The following EYS variants were observed in gnomAD, a reference collection of about 807,000 sequenced individuals.
EYS encodes EGF-like photoreceptor maintenance factor, also known as protein eyes shut homolog.
EYS carries 250 observed loss-of-function variants against 282.1 expected under a neutral mutation model. That is an observed-to-expected ratio of 0.89 (90% CI 0.80 to 0.98). The LOEUF (loss-of-function observed/expected upper bound fraction) is 0.98, where lower values mean the gene tolerates loss of function less well. Among genes scored for constraint, EYS ranks in the 50% least tolerant of loss-of-function variants. EYS has a pLI of 0.00. For missense variants in EYS, 4,016 were observed against 3,709.0 expected, an observed-to-expected ratio of 1.08 and a Z score of -2.15; for synonymous variants, 1,355 against 1,282.9, an observed-to-expected ratio of 1.06 and a Z score of -1.20.
At chr6:64,796,614 A>G (rs1583167573) in intron 22 of EYS, among the ~76,000 whole-genome samples, 1 of 152,282 alleles carries the variant, frequency 6.6e-6, no homozygotes, top group South Asian at 2.1e-4. Flanking sequence ...AACTACAGGG[A>G]GAAATATCAG....
At chr6:64,104,802 C>T (rs1772951408) in intron 31 of EYS, among the ~76,000 whole-genome samples, 1 of 141,986 alleles carries the variant, frequency 7.0e-6, no homozygotes. Context: ...TGTTATTTTG[C>T]AGCATTCCCA....
intron 24 of EYS, among the ~76,000 whole-genome samples, chr6:64,601,101 A>G (rs1402475842): frequency 1.3e-5 from 2 of 151,922 alleles, no homozygotes; most frequent in Non-Finnish European, 2.9e-5. Flanking sequence ...TTCATTATCA[A>G]TCTCCTCTGC....
chr6:64,961,524 T>C (rs1266711548), intron 14 of EYS, among the ~76,000 whole-genome samples: 1 of 152,040 alleles, frequency 6.6e-6, no homozygotes, highest in Non-Finnish European at 1.5e-5. Flanking sequence ...TGCATATCTG[T>C]GTGTGTATAA....
intron 26 of EYS, among the ~76,000 whole-genome samples, chr6:64,530,766 A>C (rs1764303435): frequency 6.6e-6 from 1 of 152,076 alleles, no homozygotes; most frequent in Non-Finnish European, 1.5e-5. Flanking sequence ...AGGAATCTAA[A>C]AATGTCTCAT....
chr6:64,769,132 T>A (rs1389020488), intron 22 of EYS, among the ~76,000 whole-genome samples: 1 of 152,112 alleles, frequency 6.6e-6, no homozygotes, highest in African/African-American at 2.4e-5. Flanking sequence ...GAAAACTACA[T>A]GGCGTAATGG....
intron 32 of EYS, among the ~76,000 whole-genome samples, chr6:64,073,159 C>T (rs150913453): frequency 1.2e-3 from 185 of 151,952 alleles, no homozygotes; most frequent in Admixed American, 4.3e-3. Flanking sequence ...AAGCTTAGTT[C>T]TCTTCACAGT....
At chr6:64,484,360 CAA>C (rs112366576) in intron 26 of EYS, among the ~76,000 whole-genome samples, 4 of 140,336 alleles carry the variant, frequency 2.9e-5, no homozygotes, top group African/African-American at 5.2e-5. Context: ...GGCATAAGAG[CAA>C]AAAAAAAAAA....
At chr6:64,269,576 T>C (rs1353419907) in intron 30 of EYS, among the ~76,000 whole-genome samples, 1 of 152,056 alleles carries the variant, frequency 6.6e-6, no homozygotes, top group Non-Finnish European at 1.5e-5. Context: ...CTGTTAATAA[T>C]AAGCATCCTA....
intron 35 of EYS, among the ~76,000 whole-genome samples, chr6:63,903,083 G>A (rs999816301): frequency 6.6e-6 from 1 of 152,256 alleles, no homozygotes; most frequent in East Asian, 1.9e-4. Context: ...AATTTAATGC[G>A]CAACCAGTTG....
chr6:65,215,371 G>A (rs1389197680), intron 12 of EYS, among the ~76,000 whole-genome samples: 3 of 152,022 alleles, frequency 2.0e-5, no homozygotes, highest in African/African-American at 7.2e-5. Flanking sequence ...ATACAAATAC[G>A]GTAGAAATAA....
At chr6:64,768,305 A>G (rs1773416716) in intron 22 of EYS, among the ~76,000 whole-genome samples, 1 of 152,188 alleles carries the variant, frequency 6.6e-6, no homozygotes, top group Non-Finnish European at 1.5e-5. Flanking sequence ...TTTTTGAAAT[A>G]GAAAATATAA....
At chr6:64,197,024 T>A (rs1056495015) in intron 31 of EYS, among the ~76,000 whole-genome samples, 2 of 152,162 alleles carry the variant, frequency 1.3e-5, no homozygotes, top group Non-Finnish European at 2.9e-5. Flanking sequence ...GTAGTTGTCA[T>A]TATTCTTTAT....
At chr6:63,723,455 G>T (rs553094026) in intron 42 of EYS, among the ~76,000 whole-genome samples, 73 of 152,168 alleles carry the variant, frequency 4.8e-4, no homozygotes, top group Admixed American at 1.8e-3. Flanking sequence ...AGCTTTTCTT[G>T]CTCCTTGTGT....
At chr6:63,752,905 A>AAAAC (rs1769375430) in intron 41 of EYS, among the ~76,000 whole-genome samples, 2 of 151,796 alleles carry the variant, frequency 1.3e-5, no homozygotes, top group Admixed American at 1.3e-4. Context: ...TCTTTTATTG[A>AAAAC]GTAGCAACCT....
chr6:64,996,522 C>A (rs561861700), intron 14 of EYS, among the ~76,000 whole-genome samples: 1 of 152,164 alleles, frequency 6.6e-6, no homozygotes, highest in Admixed American at 6.5e-5. Flanking sequence ...CTAAAGGAAT[C>A]CCCAAGAGTG....
At chr6:64,468,813 T>A (rs1776010358) in intron 26 of EYS, among the ~76,000 whole-genome samples, 1 of 152,238 alleles carries the variant, frequency 6.6e-6, no homozygotes, top group Non-Finnish European at 1.5e-5. Flanking sequence ...ATTTCATCTT[T>A]GTTGCTGTAA....
chr6:65,282,851 T>G (rs1429944341), intron 12 of EYS, among the ~76,000 whole-genome samples: 1 of 152,006 alleles, frequency 6.6e-6, no homozygotes, highest in African/African-American at 2.4e-5. Flanking sequence ...CTGTTGATTA[T>G]TGGTCTTATT....
chr6:63,872,123 C>A (rs1342364860), intron 35 of EYS, among the ~76,000 whole-genome samples: 1 of 152,206 alleles, frequency 6.6e-6, no homozygotes, highest in Non-Finnish European at 1.5e-5. Flanking sequence ...GGAATTCTAG[C>A]AAGTTCAGCA....
At chr6:64,993,316 T>C (rs559318544) in intron 14 of EYS, among the ~76,000 whole-genome samples, 10 of 151,954 alleles carry the variant, frequency 6.6e-5, no homozygotes, top group African/African-American at 2.4e-4. Flanking sequence ...AGCAGCATGA[T>C]TTATAATCCT....
Sources: allele counts gnomAD v4.1 joint callset (sites outside exome capture counted in the v4.1 genomes callset), GRCh38; gene constraint gnomAD v4.1.1; transcripts MANE v1.5; gene names NCBI Gene and HGNC (gene_info 2026-07-23, HGNC 2026-07-21).